ROBO2: variants seen among roughly 807,000 people sequenced by gnomAD.
ROBO2 encodes roundabout homolog 2.
Under a neutral mutation model 160.8 loss-of-function variants are expected in ROBO2, and 53 were observed. The ratio of observed to expected loss-of-function variants is 0.33; its 90% CI spans 0.26 to 0.41. The LOEUF is 0.41. Ranked by LOEUF, ROBO2 falls within the 10% of genes least tolerant of loss-of-function variation. ROBO2 has a pLI of 1.00. For synonymous variants in ROBO2, 664 were observed against 611.7 expected, an observed-to-expected ratio of 1.09 and a Z score of -1.26; for missense variants, 1,577 against 1,722.4, an observed-to-expected ratio of 0.92 and a Z score of 1.49.
chr3:76,568,525 C>T (rs1015502367), intron 2 of ROBO2, among the ~76,000 whole-genome samples: 11 of 151,126 alleles, frequency 7.3e-5, no homozygotes, highest in Non-Finnish European at 1.3e-4. Context: ...CCAGGATGGT[C>T]TCGATCTCCT....
At chr3:76,079,022 A>T (rs1219300686) in intron 2 of ROBO2, among the ~76,000 whole-genome samples, 1 of 152,198 alleles carries the variant, frequency 6.6e-6, no homozygotes, top group Non-Finnish European at 1.5e-5. Flanking sequence ...GAACTGGAAG[A>T]CATCATGTTA....
intron 2 of ROBO2, among the ~76,000 whole-genome samples, chr3:76,916,569 G>A (rs1261639656): frequency 2.7e-5 from 4 of 147,432 alleles, no homozygotes; most frequent in African/African-American, 9.7e-5. Context: ...AATCTTCGGA[G>A]CTGAAGCCAT....
At chr3:77,284,103 T>C (rs530362853) in intron 2 of ROBO2, among the ~76,000 whole-genome samples, 1 of 152,282 alleles carries the variant, frequency 6.6e-6, no homozygotes, top group South Asian at 2.1e-4. Context: ...TTGTACCTGT[T>C]TTTGGGAAAT....
intron 2 of ROBO2, among the ~76,000 whole-genome samples, chr3:76,672,496 A>G: frequency 6.6e-6 from 1 of 152,198 alleles, no homozygotes; most frequent in East Asian, 1.9e-4. Context: ...AATACTAATA[A>G]TACAATATGA....
At chr3:77,610,653 A>G (rs1355387081) in intron 21 of ROBO2, among the ~76,000 whole-genome samples, 4 of 151,072 alleles carry the variant, frequency 2.6e-5, no homozygotes, top group African/African-American at 9.7e-5. Context: ...CTAGCATTAG[A>G]ATAGATTGTT....
At chr3:76,552,450 A>G (rs2083475786) in intron 2 of ROBO2, among the ~76,000 whole-genome samples, 1 of 152,242 alleles carries the variant, frequency 6.6e-6, no homozygotes, top group African/African-American at 2.4e-5. Flanking sequence ...TCTTAGAAGA[A>G]GTAACCAGCT....
intron 2 of ROBO2, among the ~76,000 whole-genome samples, chr3:76,485,189 T>C (rs756504179): frequency 8.5e-5 from 13 of 152,166 alleles, no homozygotes; most frequent in Middle Eastern, 3.4e-3. Flanking sequence ...ATTCTCATAA[T>C]GTACAATCAG....
At chr3:77,267,509 C>T (rs1049358183) in intron 2 of ROBO2, among the ~76,000 whole-genome samples, 2 of 152,106 alleles carry the variant, frequency 1.3e-5, no homozygotes, top group Admixed American at 6.6e-5. Flanking sequence ...CTGGACAAGA[C>T]AAATGTATAT....
intron 2 of ROBO2, among the ~76,000 whole-genome samples, chr3:76,828,822 G>C (rs2066808698): frequency 6.6e-6 from 1 of 151,762 alleles, no homozygotes; most frequent in South Asian, 2.1e-4. Context: ...TAATCAACCT[G>C]ACATAGCCAT....
chr3:76,333,824 T>C (rs1314493764), intron 2 of ROBO2, among the ~76,000 whole-genome samples: 1 of 152,182 alleles, frequency 6.6e-6, no homozygotes, highest in Non-Finnish European at 1.5e-5. Flanking sequence ...CTAAAAATGA[T>C]GGTTCATGTC....
rs527432971 is a variant in ROBO2 at position 77,085,690 on chromosome 3, C to A, written c.62-12324C>A. ...ATTAAATAAGCCAACTCGATTATGG[C>A]CATTTCCACCATCCAAGAGGAAATC... On this transcript the variant is annotated intron_variant, in intron 1 of 25. Coordinates refer to ENST00000461745, the Ensembl canonical transcript of ROBO2. Among the ~76,000 whole-genome samples, 3 of 152,190 alleles carry A rather than the reference C, an allele frequency of 2.0e-5. No individual in the cohort carries two copies. The East Asian group carries it at 5.8e-4, about 29-fold the overall frequency.
intron 9 of ROBO2, among the ~76,000 whole-genome samples, chr3:77,560,549 A>C: frequency 6.6e-6 from 1 of 152,104 alleles, no homozygotes; most frequent in Non-Finnish European, 1.5e-5. Flanking sequence ...CATACAGTCA[A>C]GAGAGTTTCT....
chr3:77,382,002 A>G (rs1201319356), intron 2 of ROBO2, among the ~76,000 whole-genome samples: 1 of 152,126 alleles, frequency 6.6e-6, no homozygotes, highest in Non-Finnish European at 1.5e-5. Flanking sequence ...CTCACCATTA[A>G]CGTGTATTAA....
At chr3:76,759,012 G>T (rs888643711) in intron 2 of ROBO2, among the ~76,000 whole-genome samples, 1 of 151,824 alleles carries the variant, frequency 6.6e-6, no homozygotes, top group Non-Finnish European at 1.5e-5. Context: ...ACATAGTTTG[G>T]TATCTTTTGA....
intron 2 of ROBO2, among the ~76,000 whole-genome samples, chr3:76,275,641 C>G (rs138477734): frequency 6.6e-6 from 1 of 152,094 alleles, no homozygotes; most frequent in Non-Finnish European, 1.5e-5. Context: ...TCTATTTAAT[C>G]AGATATTAGT....
At chr3:77,126,782 C>CTTTTTTTTTT (rs11365042) in intron 2 of ROBO2, among the ~76,000 whole-genome samples, 1 of 62,626 alleles carries the variant, frequency 1.6e-5, no homozygotes, top group Non-Finnish European at 2.8e-5. Flanking sequence ...TTTGAAACTT[C>CTTTTTTTTTT]TTTTTTTTTT....
Position 76,323,203 on chromosome 3 carries a change from T to C in ROBO2, c.109+385601T>C, listed in dbSNP as rs565408899. Among the ~76,000 whole-genome samples, 5 of 150,152 alleles carry C rather than the reference T, an allele frequency of 3.3e-5. No individual in the cohort carries two copies. In the South Asian group the frequency reaches 1.0e-3, roughly 31 times the overall value. ...CCTAAAGGCTAATTGCTGGGATTCATGGAGCATTTCTTGTGTGCCAGCATT... is the reference window on the plus strand; with the variant it reads ...CCTAAAGGCTAATTGCTGGGATTCACGGAGCATTTCTTGTGTGCCAGCATT... On this transcript the variant is annotated intron_variant, in intron 2 of 26. Coordinates refer to the ROBO2 transcript ENST00000487694.
intron 1 of ROBO2, among the ~76,000 whole-genome samples, chr3:77,051,546 A>G (rs1391658245): frequency 6.6e-6 from 1 of 152,250 alleles, no homozygotes; most frequent in African/African-American, 2.4e-5. Flanking sequence ...GGCTCTCAGT[A>G]AATGTGTCTC....
rs578107406 is a variant in ROBO2 at position 76,088,401 on chromosome 3, A to T, written c.109+150799A>T. On this transcript the variant is annotated intron_variant, in intron 2 of 26. Transcript: ENST00000487694. The stretch of plus-strand genomic sequence containing the variant: ...ATCGACGTATAGACTACTTTATCTG[A>T]CAATAGCGTATTACACAGCCTTTCA... 2.6e-5 allele frequency among the ~76,000 whole-genome samples: 4 copies of T among 152,206 alleles called. No individual in the cohort carries two copies. The South Asian group carries it at 8.3e-4, about 31-fold the overall frequency.
Sources: gnomAD v4.1 joint callset for allele counts (sites outside exome capture counted in the v4.1 genomes callset) on GRCh38, gnomAD v4.1.1 for gene constraint, MANE v1.5 for transcripts, NCBI Gene and HGNC (gene_info 2026-07-23, HGNC 2026-07-21) for gene names.